Variants in SDHA observed in about 807,000 individuals in gnomAD.
SDHA encodes succinate dehydrogenase complex flavoprotein subunit A, also known as succinate dehydrogenase [ubiquinone] flavoprotein subunit, mitochondrial.
A neutral mutation model predicts 78.4 loss-of-function variants in SDHA; 48 were observed. The observed-to-expected ratio is 0.61, with a 90% CI of 0.49 to 0.78. SDHA has a LOEUF of 0.78. Ranked by LOEUF, SDHA falls within the 30% of genes least tolerant of loss-of-function variation. The probability of loss-of-function intolerance (pLI) is 0.00; values close to 1 mark genes in which losing one functional copy is unlikely to be tolerated. For synonymous variants in SDHA, 326 were observed against 353.9 expected (o/e 0.92, Z 0.88); for missense variants, 680 against 892.7 (o/e 0.76, Z 3.04).
intron 10 of SDHA, among the ~76,000 whole-genome samples, chr5:238,412 CA>C (rs541304081): frequency 3.4e-5 from 5 of 146,180 alleles, no homozygotes; most frequent in African/African-American, 1.0e-4. Flanking sequence ...AAACCCCCTG[CA>C]AAAAAAAATA....
intron 1 of SDHA, among the ~76,000 whole-genome samples, 190 bp downstream of exon 1, chr5:218,608 G>A (rs1486813972): frequency 1.3e-5 from 2 of 152,210 alleles, no homozygotes; most frequent in East Asian, 1.9e-4. Flanking sequence ...GGGGACCCGG[G>A]GAGCTCGGTC....
chr5:224,461 G>T lies in SDHA; in HGVS notation c.252G>T (p.Gly84=), dbSNP rs753293451. 8 of 1,613,418 alleles carry T rather than the reference G, an allele frequency of 5.0e-6. No homozygotes were observed. In the African/African-American group the frequency reaches 1.1e-4, roughly 22 times the overall value. Residue 84 remains glycine, a synonymous_variant, in exon 3 of 15, where the codon GGG becomes GGT. Coordinates refer to ENST00000264932, the MANE Select transcript of SDHA (RefSeq NM_004168.4). ...CTGCATTTGGCCTTTCTGAGGCAGG[G>T]TTTAATACAGCATGTGTTACCAAGC... ...LRAAFGLSEA[G]FNTACVTKLF...
At chr5:241,571 G>C (rs191780131) in intron 11 of SDHA, among the ~76,000 whole-genome samples, 1 of 152,350 alleles carries the variant, frequency 6.6e-6, no homozygotes, top group Non-Finnish European at 1.5e-5. Flanking sequence ...CCATGGGGCC[G>C]TGGAGAACCT....
At chr5:224,560 A>G (rs1359419537) in intron 3 of SDHA, 39 bp downstream of exon 3, 3 of 1,607,200 alleles carry the variant, frequency 1.9e-6, no homozygotes, top group Non-Finnish European at 2.6e-6. Flanking sequence ...CACTCCGTGC[A>G]GGTCCCGCGC....
intron 4 of SDHA, 41 bp downstream of exon 4, chr5:225,603 C>T (rs767097738): frequency 6.2e-7 from 1 of 1,613,560 alleles, no homozygotes; most frequent in Non-Finnish European, 8.5e-7. Flanking sequence ...TGGTCTGTTT[C>T]TAGTACAAAA....
At chr5:244,203 AG>A (rs1736310731) in intron 11 of SDHA, among the ~76,000 whole-genome samples, 1 of 151,666 alleles carries the variant, frequency 6.6e-6, no homozygotes, top group Non-Finnish European at 1.5e-5. Context: ...GTGCCACAGT[AG>A]ATTTATGCTG....
At chr5:243,199 A>G (rs1186268827) in intron 11 of SDHA, among the ~76,000 whole-genome samples, 2 of 152,234 alleles carry the variant, frequency 1.3e-5, no homozygotes, top group South Asian at 2.1e-4. Flanking sequence ...TATTACAGCT[A>G]CATTTGAGCC....
chr5:251,962 G>C (rs1438555319), intron 13 of SDHA: 2 of 344,094 alleles, frequency 5.8e-6, no homozygotes, highest in Admixed American at 8.1e-5. Flanking sequence ...ATTAAATAAC[G>C]AGTAAGCCAC....
At chr5:236,032 T>G (rs1235776741) in intron 9 of SDHA, 1 of 299,742 alleles carries the variant, frequency 3.3e-6, no homozygotes, top group Non-Finnish European at 6.6e-6. Context: ...TCCCTCTCTT[T>G]TTTTTTCTTG....
At chr5:226,667 G>A (rs926665206) in intron 5 of SDHA, among the ~76,000 whole-genome samples, 19 of 151,448 alleles carry the variant, frequency 1.3e-4, no homozygotes, top group Middle Eastern at 3.5e-3. Flanking sequence ...GGTGGCTCAC[G>A]CCTGTAATCC....
At chr5:268,376 G>T in the SDHA span, among the ~76,000 whole-genome samples, 1 of 152,000 alleles carries the variant, frequency 6.6e-6, no homozygotes, top group East Asian at 1.9e-4. Context: ...TAGAGACGAG[G>T]TTTCACCATG....
At chr5:248,989 A>G (rs1736646201) in intron 11 of SDHA, 1 of 392,878 alleles carries the variant, frequency 2.5e-6, no homozygotes, top group African/African-American at 2.2e-5. Flanking sequence ...TAAGATCAAA[A>G]TTTGGGAAAG....
intron 11 of SDHA, among the ~76,000 whole-genome samples, chr5:246,332 A>G (rs11956656): frequency 0.24 from 27,964 of 116,368 alleles, 4,266 homozygotes; most frequent in African/African-American, 0.43. Context: ...AAGCAAGGCC[A>G]TAAAGCCCAA....
rs2126584893 is a variant in SDHA at position 235,238 on chromosome 5, G to A, written c.1159G>A (p.Ala387Thr). ...ATRLPGISETAMIFAGVDVTK... is the reference protein window; with the variant it reads ...ATRLPGISETTMIFAGVDVTK... ...GCGCCTGCCTGGCATTTCAGAGACA[G>A]CCATGATCTTCGCTGGCGTGGACGT... The change falls in exon 9 of 15, where the codon GCC becomes ACC. Residue 387 changes from alanine to threonine, a missense_variant. Transcript: ENST00000264932. 1 of 1,614,062 alleles carries A rather than the reference G, an allele frequency of 6.2e-7. No homozygotes were observed. Among genetic ancestry groups the A allele is most frequent in the South Asian group, 1.1e-5 (1 of 91,082 alleles).
At position 256,481 on chromosome 5, in the gene SDHA, T is replaced by C; in HGVS notation, c.*61T>C. On this transcript the variant is annotated 3_prime_UTR_variant, in exon 15 of 15. Coordinates refer to ENST00000264932, the MANE Select transcript of SDHA (RefSeq NM_004168.4). ...GTAATTATGTATAATAGCTCATGCA[T>C]GTGTCCATGTCATAACTGTCTTCAT... 3.0e-6 allele frequency: 4 copies of C among 1,344,930 alleles called. No homozygotes were observed. The highest frequency in any genetic ancestry group is 1.7e-5 in the Admixed American group (1 of 59,566). The allele number at this position is 1,344,930 out of a possible 1,614,324, so 83.3% of individuals were successfully genotyped here. A position where few individuals can be genotyped will look rare whatever the true frequency, so the allele number is the denominator to read the frequency against.
At chr5:268,283 C>T in the SDHA span, among the ~76,000 whole-genome samples, 1 of 151,738 alleles carries the variant, frequency 6.6e-6, no homozygotes, top group African/African-American at 2.4e-5. Context: ...CCCGGGTTCA[C>T]GCCATTCTCC....
At chr5:225,379 C>A (rs772169255) in intron 3 of SDHA, 40 bp from the exon 4 acceptor site, 1 of 1,611,902 alleles carries the variant, frequency 6.2e-7, no homozygotes, top group African/African-American at 1.3e-5. Context: ...AAAGTTGGCG[C>A]TCCTGTTTGT....
chr5:250,390 C>T (rs1736734199), intron 11 of SDHA: 1 of 163,060 alleles, frequency 6.1e-6, no homozygotes, highest in Admixed American at 5.7e-5. Flanking sequence ...TTCAGGTCCA[C>T]TGCATAGCAC....
Position 251,455 on chromosome 5 carries a change from G to A in SDHA, c.1781G>A (p.Arg594Lys), listed in dbSNP as rs1302547655. ...AAGGAGTCACGGGGCGCGCATGCCA[G>A]GGAAGACTACAAGGTGGGCCTTCTC... The part of the protein sequence containing the change: ...ARKESRGAHA[R>K]EDYKVRIDEY... Residue 594 changes from arginine to lysine, a missense_variant, in exon 13 of 15, where the codon AGG (arginine) becomes AAG (lysine). Arg to Lys is a conservative substitution (Grantham distance 26). Coordinates refer to ENST00000264932, the MANE Select transcript of SDHA (RefSeq NM_004168.4). 3 of 1,613,886 alleles carry A rather than the reference G, an allele frequency of 1.9e-6. No homozygotes were observed. The highest frequency in any genetic ancestry group is 2.5e-6 in the Non-Finnish European group (3 of 1,179,880).
Sources: gnomAD v4.1 joint callset for allele counts (sites outside exome capture counted in the v4.1 genomes callset) on GRCh38, gnomAD v4.1.1 for gene constraint, MANE v1.5 for transcripts, NCBI Gene and HGNC (gene_info 2026-07-23, HGNC 2026-07-21) for gene names.